The following ZNF329 variants were observed in gnomAD, a reference collection of about 807,000 sequenced individuals.
ZNF329 encodes the protein zinc finger protein 329.
A neutral mutation model predicts 26.6 loss-of-function variants in ZNF329; 15 were observed. The observed-to-expected ratio is 0.56, with a 90% confidence interval of 0.38 to 0.87. The LOEUF (loss-of-function observed/expected upper bound fraction) is 0.87. Among genes scored for constraint, ZNF329 ranks in the 40% least tolerant of loss-of-function variants. The pLI, the probability that ZNF329 is intolerant of heterozygous loss-of-function variation, is 0.00. For synonymous variants in ZNF329, 239 were observed against 233.5 expected (o/e 1.02, Z -0.21); for missense variants, 651 against 651.9 (o/e 1.00, Z 0.02).
chr19:58,130,829 G>T (rs1031947420), intron 3 of ZNF329, among the ~76,000 whole-genome samples: 4 of 152,110 alleles, frequency 2.6e-5, no homozygotes, highest in Admixed American at 6.6e-5. Context: ...TAAGACAACT[G>T]GTTGTCCATT....
intron 3 of ZNF329, chr19:58,136,996 A>G (rs906321760): frequency 5.1e-6 from 1 of 197,596 alleles, no homozygotes; most frequent in African/African-American, 2.3e-5. Context: ...TATGTACCTT[A>G]TTCCACCACT....
chr19:58,153,199 T>G (rs966125729), upstream of ZNF329, among the ~76,000 whole-genome samples: 1 of 152,098 alleles, frequency 6.6e-6, no homozygotes, highest in Non-Finnish European at 1.5e-5. Flanking sequence ...AACCTCCACC[T>G]TCCAGGTTCA....
At chr19:58,150,203 C>G (rs1421476590) in intron 1 of ZNF329, among the ~76,000 whole-genome samples, 2 of 152,160 alleles carry the variant, frequency 1.3e-5, no homozygotes, top group African/African-American at 4.8e-5. Flanking sequence ...CTGAGAATTG[C>G]AGTAAAACAT....
chr19:58,148,309 T>C (rs2075371885), intron 1 of ZNF329, among the ~76,000 whole-genome samples: 1 of 149,614 alleles, frequency 6.7e-6, no homozygotes, highest in Non-Finnish European at 1.5e-5. Flanking sequence ...TGTTCACTTA[T>C]TTATCTGCTG....
At chr19:58,148,012 T>C (rs2075364669) in intron 1 of ZNF329, among the ~76,000 whole-genome samples, 2 of 152,132 alleles carry the variant, frequency 1.3e-5, no homozygotes, top group African/African-American at 4.8e-5. Flanking sequence ...GTGCAGAAAG[T>C]AGACATGGGA....
chr19:58,152,868 C>T (rs944705165), upstream of ZNF329, among the ~76,000 whole-genome samples: 1 of 151,852 alleles, frequency 6.6e-6, no homozygotes, highest in Non-Finnish European at 1.5e-5. Context: ...AAAAAAAAGT[C>T]AGGCACCCTT....
At chr19:58,137,403 A>C (rs1274636296) in intron 3 of ZNF329, among the ~76,000 whole-genome samples, 2 of 152,124 alleles carry the variant, frequency 1.3e-5, no homozygotes. Context: ...AAAGTATAAA[A>C]ATTAGCCAGG....
chr19:58,147,119 C>A (rs1192787779), intron 1 of ZNF329, among the ~76,000 whole-genome samples: 1 of 150,064 alleles, frequency 6.7e-6, no homozygotes, highest in Admixed American at 6.6e-5. Flanking sequence ...CGTCTCTGCC[C>A]GGCCGCCCAT....
chr19:58,128,311 G>A lies in ZNF329; in HGVS notation c.1193C>T (p.Pro398Leu). 2 of 1,613,906 alleles carry A rather than the reference G, an allele frequency of 1.2e-6. No homozygotes were observed. Among genetic ancestry groups the A allele is most frequent in the Non-Finnish European group, 1.7e-6 (2 of 1,179,912 alleles). Residue 398 changes from proline to leucine, a missense_variant, in exon 4 of 4, where the codon CCC (proline) becomes CTC (leucine). Pro to Leu is a moderately conservative substitution (Grantham distance 98, BLOSUM62 -3). Transcript: ENST00000598312. Reference protein sequence around the residue: ...VHQKIHSGEKPYECKECGKTF... With the variant: ...VHQKIHSGEKLYECKECGKTF... ...CTTGCCACATTCTTTACATTCATAG[G>A]GTTTCTCCCCAGAATGGATCTTTTG...
At chr19:58,130,373 A>C (rs879446661) in intron 3 of ZNF329, among the ~76,000 whole-genome samples, 12 of 151,980 alleles carry the variant, frequency 7.9e-5, no homozygotes, top group Non-Finnish European at 1.8e-4. Context: ...CATGGTTGTT[A>C]TAAAAACTGG....
intron 3 of ZNF329, among the ~76,000 whole-genome samples, chr19:58,139,644 T>C (rs1221709903): frequency 6.6e-6 from 1 of 152,144 alleles, no homozygotes; most frequent in Non-Finnish European, 1.5e-5. Context: ...AGGCCTCATC[T>C]CCAAATACCA....
At chr19:58,143,441 G>A (rs1312522228) in intron 1 of ZNF329, among the ~76,000 whole-genome samples, 4 of 152,110 alleles carry the variant, frequency 2.6e-5, no homozygotes, top group Admixed American at 2.6e-4. Context: ...TCACACTGAA[G>A]AAGACAGCTT....
intron 3 of ZNF329, among the ~76,000 whole-genome samples, chr19:58,131,368 T>A (rs1011904646): frequency 1.3e-5 from 2 of 151,818 alleles, no homozygotes; most frequent in Admixed American, 6.6e-5. Context: ...TGAGCTGTAA[T>A]TGTGCCACTG....
At position 58,127,635 on chromosome 19, in the gene ZNF329, GT is replaced by G; in HGVS notation, c.*242del. The G allele has an allele frequency of 2.4e-6, 1 of 420,038 alleles. No homozygotes were observed. Among genetic ancestry groups the G allele is most frequent in the East Asian group, 3.5e-5 (1 of 28,898 alleles). The allele number at this position is 420,038 out of a possible 1,614,324, so 26.0% of individuals were successfully genotyped here. ...GTTTGCACATTTCATTCCAGTGTGT[GT>G]GTTGTCATGTCTGGTACAGACTGAA... On this transcript the variant is annotated 3_prime_UTR_variant, in exon 4 of 4. Transcript: ENST00000598312.
chr19:58,147,484 C>T (rs1280551622), intron 1 of ZNF329, among the ~76,000 whole-genome samples: 26 of 142,618 alleles, frequency 1.8e-4, no homozygotes, highest in Admixed American at 4.1e-4. Context: ...TCTGCCCAGC[C>T]GCCCCTACTG....
chr19:58,130,691 A>AC (rs918884491), intron 3 of ZNF329, among the ~76,000 whole-genome samples: 82 of 151,930 alleles, frequency 5.4e-4, no homozygotes, highest in African/African-American at 1.8e-3. Context: ...AAAAAAAAAA[A>AC]AAACTGGATC....
Position 58,128,058 on chromosome 19 carries a change from T to A in ZNF329, c.1446A>T (p.Pro482=). 1 of 1,613,268 alleles carries A rather than the reference T, an allele frequency of 6.2e-7. No individual in the cohort carries two copies. The highest frequency in any genetic ancestry group is 8.5e-7 in the Non-Finnish European group (1 of 1,179,620). Residue 482 remains proline (P), a synonymous_variant, in exon 4 of 4, where the codon CCA becomes CCT. Transcript: ENST00000598312. ...KHQRIHTKET[P]YQCPECGKSF... ...ACTTCCCACATTCTGGACACTGATA[T>A]GGGGTCTCCTTAGTGTGAATTCTCT...
upstream of ZNF329, among the ~76,000 whole-genome samples, chr19:58,151,429 C>G (rs939963778): frequency 3.9e-5 from 6 of 151,906 alleles, no homozygotes; most frequent in Non-Finnish European, 7.4e-5. Flanking sequence ...GGTGAAACCC[C>G]GTCTCCACTA....
chr19:58,154,257 C>T (rs556039804), upstream of ZNF329, among the ~76,000 whole-genome samples: 57 of 152,200 alleles, frequency 3.7e-4, no homozygotes, highest in Non-Finnish European at 3.8e-4. Flanking sequence ...AATCCGCCCG[C>T]TTGGGCCACC....
Sources: gnomAD v4.1 joint callset for allele counts (sites outside exome capture counted in the v4.1 genomes callset) on GRCh38, gnomAD v4.1.1 for gene constraint, MANE v1.5 for transcripts, NCBI Gene and HGNC (gene_info 2026-07-23, HGNC 2026-07-21) for gene names.